Variants in GABRA3 observed in about 807,000 individuals in gnomAD.
The protein encoded by GABRA3 is gamma-aminobutyric acid receptor subunit alpha-3.
In GABRA3, 10 loss-of-function variants were observed where a neutral mutation model predicts 30.1. The ratio of observed to expected loss-of-function variants is 0.33; its 90% confidence interval spans 0.20 to 0.56. The LOEUF is 0.56. Ranked by LOEUF, GABRA3 falls within the 20% of genes least tolerant of loss-of-function variation. The pLI is 0.89. For synonymous variants in GABRA3, 151 were observed against 146.8 expected, an observed-to-expected ratio of 1.03 and a Z score of -0.21; for missense variants, 233 against 392.0, an observed-to-expected ratio of 0.59 and a Z score of 3.42.
intron 7 of GABRA3, among the ~76,000 whole-genome samples, chrX:152,199,291 A>G (rs5925130): frequency 0.28 from 28,597 of 101,547 alleles, 5,024 homozygotes; most frequent in Non-Finnish European, 0.42. Context: ...GCGTGAACCC[A>G]GGAGGCGGAG....
intron 6 of GABRA3, among the ~76,000 whole-genome samples, chrX:152,214,030 C>T (rs1351235327): frequency 9.0e-6 from 1 of 110,892 alleles, no homozygotes; most frequent in Non-Finnish European, 1.9e-5. Flanking sequence ...TGCCCAAATA[C>T]GAAACATTGC....
chrX:152,190,033 C>G (rs1422739267), intron 8 of GABRA3, 92 bp from the exon 9 acceptor site: 2 of 615,364 alleles, frequency 3.3e-6, no homozygotes, highest in Non-Finnish European at 4.9e-6. Flanking sequence ...AAAGGAGAAG[C>G]TTTACCCCAC....
In GABRA3 at chrX:152,342,597, T is replaced by G. The variant is rs187508091; in HGVS notation, c.262+2984A>C. ...GCTTGGTAATTTTTGACTGGAAACT[T>G]TTTTCCAGAAAATTTTCTCAAATTT... is the stretch of plus-strand genomic sequence containing the variant. On this transcript the variant is annotated intron_variant, in intron 3 of 9. Transcript: ENST00000370314. 5.6e-3 allele frequency among the ~76,000 whole-genome samples: 629 copies of G among 111,839 alleles called. 5 individuals carry two copies. The highest frequency in any genetic ancestry group is 0.019 in the African/African-American group (576 of 30,753).
intron 3 of GABRA3, among the ~76,000 whole-genome samples, chrX:152,335,463 G>C (rs888432348): frequency 1.8e-5 from 2 of 111,628 alleles, no homozygotes; most frequent in African/African-American, 6.5e-5. Context: ...AAAACTGAAA[G>C]ATACATTGGA....
chrX:152,215,978 TA>T (rs1242611084), intron 6 of GABRA3, among the ~76,000 whole-genome samples: 3 of 110,940 alleles, frequency 2.7e-5, no homozygotes, highest in African/African-American at 9.8e-5. Flanking sequence ...TCCAGGTATA[TA>T]AAAAATGCCC....
At chrX:152,431,850 C>T (rs924654061) in intron 1 of GABRA3, among the ~76,000 whole-genome samples, 4 of 111,209 alleles carry the variant, frequency 3.6e-5, no homozygotes, top group Middle Eastern at 4.7e-3. Context: ...CTCTAGAAGC[C>T]GGAAAAGTCA....
chrX:152,198,776 C>T (rs966541199), intron 7 of GABRA3, among the ~76,000 whole-genome samples: 1 of 112,070 alleles, frequency 8.9e-6, no homozygotes, highest in Non-Finnish European at 1.9e-5. Flanking sequence ...AATTCTCATC[C>T]AGCCTGTGTC....
intron 1 of GABRA3, among the ~76,000 whole-genome samples, chrX:152,406,164 G>T (rs1929929791): frequency 9.1e-6 from 1 of 110,162 alleles, no homozygotes. Context: ...CAAGATATAT[G>T]AGAGAGAGGA....
At chrX:152,208,873 A>C (rs186477104) in intron 6 of GABRA3, among the ~76,000 whole-genome samples, 9 of 111,627 alleles carry the variant, frequency 8.1e-5, no homozygotes, top group Admixed American at 5.7e-4. Context: ...CATGAACCAA[A>C]TAAAACTCTT....
intron 1 of GABRA3, chrX:152,392,163 A>G (rs994098251): frequency 1.1e-5 from 4 of 373,842 alleles, no homozygotes; most frequent in Non-Finnish European, 2.2e-5. Flanking sequence ...GATTAGAAAC[A>G]CAGAGCACAG....
At position 152,259,858 on chromosome X, in the gene GABRA3, G is replaced by C. The variant is rs140110496; in HGVS notation, c.331-3860C>G. ...CGCTTTCTGCTTGAAAAAAGTGGAGGGAAAAGTAAATGGGATTTTTTTATT... is the reference window on the plus strand; with the variant it reads ...CGCTTTCTGCTTGAAAAAAGTGGAGCGAAAAGTAAATGGGATTTTTTTATT... On this transcript the variant is annotated intron_variant, in intron 4 of 9. Coordinates refer to ENST00000370314, the MANE Select transcript of GABRA3 (RefSeq NM_000808.4). Among the ~76,000 whole-genome samples the C allele has an allele frequency of 2.6e-3, 282 of 110,035 alleles. 2 individuals are homozygous for C. Among genetic ancestry groups the C allele is most frequent in the African/African-American group, 8.9e-3 (271 of 30,294 alleles).
chrX:152,294,288 C>T (rs894229856), intron 3 of GABRA3, among the ~76,000 whole-genome samples: 1 of 111,398 alleles, frequency 9.0e-6, no homozygotes, highest in East Asian at 2.8e-4. Flanking sequence ...TTGGTCTTTT[C>T]ACATAGTCCC....
chrX:152,358,096 A>G (rs189254949), intron 2 of GABRA3, among the ~76,000 whole-genome samples: 1 of 111,642 alleles, frequency 9.0e-6, no homozygotes, highest in Non-Finnish European at 1.9e-5. Flanking sequence ...AAAGAATGTC[A>G]TTGGTAGTTT....
intron 1 of GABRA3, among the ~76,000 whole-genome samples, chrX:152,418,434 A>G (rs1930289350): frequency 9.0e-6 from 1 of 111,624 alleles, no homozygotes; most frequent in Non-Finnish European, 1.9e-5. Flanking sequence ...CCATGGTGCA[A>G]AGAAGAAATC....
intron 1 of GABRA3, among the ~76,000 whole-genome samples, chrX:152,378,650 G>A (rs1929060614): frequency 9.0e-6 from 1 of 111,387 alleles, no homozygotes; most frequent in South Asian, 3.7e-4. Context: ...GAAGATGATA[G>A]TTTCAAACCC....
intron 1 of GABRA3, among the ~76,000 whole-genome samples, chrX:152,401,135 G>T (rs1929782517): frequency 9.0e-6 from 1 of 111,038 alleles, no homozygotes. Context: ...TATAAAACGT[G>T]TGTTTTTTTA....
At chrX:152,292,715 GC>G (rs766552008) in intron 3 of GABRA3, among the ~76,000 whole-genome samples, 224 of 111,704 alleles carry the variant, frequency 2.0e-3, no homozygotes, top group African/African-American at 7.1e-3. Flanking sequence ...TCTACACACT[GC>G]TTTAAATGTG....
chrX:152,333,610 T>C (rs1182610370), intron 3 of GABRA3, among the ~76,000 whole-genome samples: 1 of 112,004 alleles, frequency 8.9e-6, no homozygotes, highest in Non-Finnish European at 1.9e-5. Context: ...ATAACAAATG[T>C]TATTTTATCC....
chrX:152,433,604 T>A (rs1250831788), intron 1 of GABRA3, among the ~76,000 whole-genome samples: 1 of 106,363 alleles, frequency 9.4e-6, no homozygotes, highest in Non-Finnish European at 1.9e-5. Flanking sequence ...AATTCCACTT[T>A]AAGACACATG....
Sources: gnomAD v4.1 joint callset for allele counts (sites outside exome capture counted in the v4.1 genomes callset) on GRCh38, gnomAD v4.1.1 for gene constraint, MANE v1.5 for transcripts, NCBI Gene and HGNC (gene_info 2026-07-23, HGNC 2026-07-21) for gene names.